The following ABI1 variants were observed in gnomAD, a reference collection of about 807,000 sequenced individuals.
The protein encoded by ABI1 is abl interactor 1, also known as Abelson interactor 1.
A neutral mutation model predicts 54.6 loss-of-function variants in ABI1; 14 were observed. The ratio of observed to expected loss-of-function variants is 0.26; its 90% CI spans 0.17 to 0.40. The LOEUF (loss-of-function observed/expected upper bound fraction) is 0.40, where lower values mean the gene tolerates loss of function less well. ABI1 is among the 10% of genes least tolerant of loss of function. The pLI is 1.00. For synonymous variants in ABI1, 194 were observed against 209.3 expected, an observed-to-expected ratio of 0.93 and a Z score of 0.63; for missense variants, 443 against 598.3, an observed-to-expected ratio of 0.74 and a Z score of 2.71.
chr10:26,746,642 A>ACTT lies in ABI1; in HGVS notation c.*1925_*1927dup, dbSNP rs1224205032. 3 of 671,526 alleles carry ACTT rather than the reference A, an allele frequency of 4.5e-6. No individual in the cohort carries two copies. The highest frequency in any genetic ancestry group is 7.6e-6 in the Non-Finnish European group (3 of 392,932). The allele number at this position is 671,526 out of a possible 1,614,324, so 41.6% of individuals were successfully genotyped here. A position where few individuals can be genotyped will look rare whatever the true frequency, so the allele number is the denominator to read the frequency against. ...TTTATTGCAAAAGTTTTTTCAGAAA[A>ACTT]CTTTTTAAATGTAATTAATAAACCA... On this transcript the variant is annotated 3_prime_UTR_variant, in exon 11 of 11. Transcript: ENST00000376140.
At chr10:26,811,739 TTG>T (rs2047241810) in intron 2 of ABI1, among the ~76,000 whole-genome samples, 1 of 11,464 alleles carries the variant, frequency 8.7e-5, no homozygotes, top group Admixed American at 1.2e-3. Flanking sequence ...TTGTATAAAT[TTG>T]TATAAATTTA....
chr10:26,842,980 G>C (rs568173130), intron 1 of ABI1, among the ~76,000 whole-genome samples: 17 of 152,086 alleles, frequency 1.1e-4, no homozygotes, highest in African/African-American at 4.1e-4. Flanking sequence ...GGAGGAGGAG[G>C]CTGCAGTGAA....
rs182443381 is a variant in ABI1, at chr10:26,787,231, T to C, written c.286-9990A>G. Among the ~76,000 whole-genome samples, 4 of 152,262 alleles carry C rather than the reference T, an allele frequency of 2.6e-5. No homozygotes were observed. The East Asian group carries it at 5.8e-4, about 22-fold the overall frequency. ...ACCATGGAGATCTTTACAAAAGAAG[T>C]AAACTTGAGAAAACAAAATGAAAAA... On this transcript the variant is annotated intron_variant, in intron 2 of 10. Transcript: ENST00000376140.
intron 7 of ABI1, among the ~76,000 whole-genome samples, chr10:26,761,384 C>T (rs939378234): frequency 6.6e-6 from 1 of 151,642 alleles, no homozygotes; most frequent in Non-Finnish European, 1.5e-5. Flanking sequence ...TAGAATTTAA[C>T]ATTTTATCAT....
intron 1 of ABI1, among the ~76,000 whole-genome samples, chr10:26,847,133 C>A (rs1299855015): frequency 1.3e-5 from 2 of 152,164 alleles, no homozygotes; most frequent in Non-Finnish European, 2.9e-5. Context: ...AACTAATATA[C>A]TCTGTCATAC....
At chr10:26,841,298 T>A (rs2049481317) in intron 1 of ABI1, among the ~76,000 whole-genome samples, 1 of 152,106 alleles carries the variant, frequency 6.6e-6, no homozygotes, top group Non-Finnish European at 1.5e-5. Flanking sequence ...TTTTATTGTA[T>A]ATATTTAAAG....
chr10:26,818,011 T>C (rs925600168), intron 2 of ABI1, among the ~76,000 whole-genome samples: 5 of 148,900 alleles, frequency 3.4e-5, no homozygotes, highest in Non-Finnish European at 7.5e-5. Context: ...CAAAAAAAAA[T>C]AGCTGAGCAT....
chr10:26,812,704 TC>T (rs966736116), intron 2 of ABI1, among the ~76,000 whole-genome samples: 2 of 152,160 alleles, frequency 1.3e-5, no homozygotes, highest in Non-Finnish European at 2.9e-5. Flanking sequence ...TCAGGGCCTT[TC>T]TCCTTGACTT....
intron 2 of ABI1, among the ~76,000 whole-genome samples, chr10:26,809,328 T>G (rs1011653631): frequency 4.7e-5 from 7 of 149,898 alleles, no homozygotes; most frequent in Admixed American, 2.0e-4. Context: ...GACACCAAGA[T>G]AGAAGGATCA....
chr10:26,824,654 T>G (rs1454919641), intron 1 of ABI1, among the ~76,000 whole-genome samples: 1 of 151,858 alleles, frequency 6.6e-6, no homozygotes, highest in East Asian at 1.9e-4. Flanking sequence ...TGCTACTTCT[T>G]AACAGAGGGA....
At chr10:26,852,807 C>T (rs2134254806) in intron 1 of ABI1, among the ~76,000 whole-genome samples, 1 of 152,316 alleles carries the variant, frequency 6.6e-6, no homozygotes, top group South Asian at 2.1e-4. Context: ...TGGCTCACGC[C>T]TGTAATCCCA....
intron 2 of ABI1, among the ~76,000 whole-genome samples, chr10:26,789,814 T>C (rs529735968): frequency 6.6e-6 from 1 of 152,322 alleles, no homozygotes; most frequent in East Asian, 1.9e-4. Context: ...CAGTGTGCAC[T>C]GTTCCCCTCT....
At chr10:26,774,438 C>T (rs1463429471) in intron 3 of ABI1, among the ~76,000 whole-genome samples, 2 of 152,148 alleles carry the variant, frequency 1.3e-5, no homozygotes, top group African/African-American at 4.8e-5. Context: ...CTTCTCTATT[C>T]TAGCTTCCTC....
chr10:26,788,394 A>G (rs1842967766), intron 2 of ABI1, among the ~76,000 whole-genome samples: 1 of 152,254 alleles, frequency 6.6e-6, no homozygotes, highest in South Asian at 2.1e-4. Flanking sequence ...TTGATACAAA[A>G]AAGTACTAAA....
At chr10:26,759,266 A>G (rs772343527) in intron 7 of ABI1, 28 bp from the exon 8 acceptor site, 1 of 1,607,770 alleles carries the variant, frequency 6.2e-7, no homozygotes, top group South Asian at 1.1e-5. Context: ...AAGGCAACCA[A>G]CAAAGAGACT....
intron 1 of ABI1, among the ~76,000 whole-genome samples, chr10:26,855,970 CAAAAAAAAAAAAAAA>C (rs11369827): frequency 1.2e-5 from 1 of 80,574 alleles, no homozygotes; most frequent in African/African-American, 4.2e-5. Flanking sequence ...GACTCCATCT[CAAAAAAAAAAAAAAA>C]AAAAAAGAAC....
At chr10:26,858,734 G>GT (rs1259225707) in intron 1 of ABI1, among the ~76,000 whole-genome samples, 5 of 151,548 alleles carry the variant, frequency 3.3e-5, no homozygotes, top group African/African-American at 1.2e-4. Context: ...TCAGAGAGGG[G>GT]TAAAAAAAAA....
At chr10:26,769,738 G>A (rs1489642382) in intron 5 of ABI1, among the ~76,000 whole-genome samples, 1 of 152,164 alleles carries the variant, frequency 6.6e-6, no homozygotes, top group Non-Finnish European at 1.5e-5. Context: ...ACTCTAGTGT[G>A]AAGAGGCCTA....
intron 7 of ABI1, chr10:26,763,801 A>G: frequency 7.8e-7 from 1 of 1,282,704 alleles, no homozygotes; most frequent in Admixed American, 1.7e-5. Flanking sequence ...TATAAAAGCC[A>G]GCACTCTACT....
Sources: allele counts gnomAD v4.1 joint callset (sites outside exome capture counted in the v4.1 genomes callset), GRCh38; gene constraint gnomAD v4.1.1; transcripts MANE v1.5; gene names NCBI Gene and HGNC (gene_info 2026-07-23, HGNC 2026-07-21).